Variants in ZDHHC24 observed in about 807,000 individuals in gnomAD.
The protein encoded by ZDHHC24 is zDHHC palmitoyltransferase 24.
A neutral mutation model predicts 23.2 loss-of-function variants in ZDHHC24; 17 were observed. The ratio of observed to expected loss-of-function variants is 0.73; its 90% confidence interval spans 0.50 to 1.10. ZDHHC24 has a LOEUF of 1.10. Ranked by LOEUF, ZDHHC24 falls within the 50% of genes least tolerant of loss-of-function variation. The probability of loss-of-function intolerance (pLI) is 0.00; values close to 1 mark genes in which losing one functional copy is unlikely to be tolerated. For missense variants in ZDHHC24, 366 were observed against 393.0 expected, an observed-to-expected ratio of 0.93 and a Z score of 0.58; for synonymous variants, 186 against 194.5, an observed-to-expected ratio of 0.96 and a Z score of 0.36.
chr11:66,529,491 G>A (rs1332865574), intron 2 of ZDHHC24: 4 of 732,836 alleles, frequency 5.5e-6, no homozygotes, highest in East Asian at 2.7e-5. Flanking sequence ...TGGATTGTCT[G>A]GGGGAAGAAG....
chr11:66,533,435 T>G (rs1238285211), downstream of ZDHHC24: 1 of 152,262 alleles, frequency 6.6e-6, no homozygotes, highest in Non-Finnish European at 1.5e-5. Context: ...CATTACCTGT[T>G]GACTCCCTGT....
At chr11:66,526,593 G>A (rs1856504279) in intron 4 of ZDHHC24, 2 of 1,609,522 alleles carry the variant, frequency 1.2e-6, no homozygotes. Context: ...AAGAAAGAAT[G>A]GGAATGTGGG....
At chr11:66,523,676 C>T (rs1455393709) in intron 4 of ZDHHC24, 1 of 1,609,942 alleles carries the variant, frequency 6.2e-7, no homozygotes, top group African/African-American at 1.3e-5. Flanking sequence ...ACCGTTCTTT[C>T]CACTGTAAGC....
chr11:66,530,911 C>T (rs1394317724), downstream of ZDHHC24: 1 of 1,614,224 alleles, frequency 6.2e-7, no homozygotes, highest in Non-Finnish European at 8.5e-7. Context: ...GCCTTGGCCC[C>T]ACCTTTAAGC....
intron 4 of ZDHHC24, chr11:66,523,250 A>G: frequency 2.8e-6 from 2 of 706,514 alleles, no homozygotes; most frequent in South Asian, 3.0e-5. Flanking sequence ...ACAAGACACC[A>G]TAGTGAAGGT....
At chr11:66,540,427 C>CA (rs1184182591) in intron 2 of ZDHHC24, among the ~76,000 whole-genome samples, 18,454 of 52,122 alleles carry the variant, frequency 0.35, 2,594 homozygotes, top group East Asian at 0.42. Context: ...ACTCCCATCT[C>CA]AAAAAAAAAA....
At chr11:66,529,416 A>C (rs778850754) in exon 3 of ZDHHC24, 2 of 1,032,206 alleles carry the variant, frequency 1.9e-6, no homozygotes, top group Non-Finnish European at 2.9e-6. Flanking sequence ...CTGGAGACAC[A>C]TGCACAATAT....
chr11:66,532,131 TG>T, downstream of ZDHHC24: 20 of 1,334,202 alleles, frequency 1.5e-5, no homozygotes, highest in Non-Finnish European at 2.0e-5. Flanking sequence ...AGCAGTGTGC[TG>T]GGGCGACAGC....
In ZDHHC24 at chr11:66,538,552, G is replaced by T. The variant is rs1857050248; in HGVS notation, c.*977C>A. 6.6e-6 allele frequency: 1 copy of T among 152,098 alleles called. No homozygotes were observed. Among genetic ancestry groups the T allele is most frequent in the African/African-American group, 2.4e-5 (1 of 41,402 alleles). The allele number at this position is 152,098 out of a possible 1,614,324, so 9.4% of individuals were successfully genotyped here. A position where few individuals can be genotyped will look rare whatever the true frequency, so the allele number is the denominator to read the frequency against. On this transcript the variant is annotated 3_prime_UTR_variant, in exon 3 of 3. Coordinates refer to ENST00000310442, the MANE Select transcript of ZDHHC24 (RefSeq NM_207340.3). ...CAGCCCCGGCAACAGAGAGAAAAAA[G>T]AAAATGTGGTCAGGCTCTGTGTTCT...
At chr11:66,525,286 G>A (rs989553903) in intron 4 of ZDHHC24, among the ~76,000 whole-genome samples, 3 of 152,020 alleles carry the variant, frequency 2.0e-5, no homozygotes, top group Non-Finnish European at 2.9e-5. Flanking sequence ...TTGAACCTGG[G>A]AGGCAAAGGT....
intron 2 of ZDHHC24, among the ~76,000 whole-genome samples, chr11:66,541,920 G>A (rs1565297284): frequency 6.6e-6 from 1 of 151,906 alleles, no homozygotes. Flanking sequence ...CAGGGCAAGC[G>A]CTGGAGGAGG....
In ZDHHC24 at chr11:66,539,306, C is replaced by T. The variant is rs527763589; in HGVS notation, c.*223G>A. On this transcript the variant is annotated 3_prime_UTR_variant, in exon 3 of 3. Coordinates refer to ENST00000310442, the MANE Select transcript of ZDHHC24 (RefSeq NM_207340.3). ...TTAACCTGGCAAAGGGGCAGCTAGG[C>T]GGCCTGAGCAGCCCCTGCCAGACCC... The T allele has an allele frequency of 2.6e-5, 33 of 1,254,474 alleles. 1 individual carries two copies. In the East Asian group the frequency reaches 8.9e-4, roughly 34 times the overall value. 77.7% of individuals were successfully genotyped at this position (1,254,474 alleles called of 1,614,324 possible).
intron 4 of ZDHHC24, chr11:66,526,062 C>T: frequency 6.6e-7 from 1 of 1,510,938 alleles, no homozygotes; most frequent in East Asian, 2.3e-5. Context: ...CCCTACCCAT[C>T]CCCTGTCTTG....
intron 4 of ZDHHC24, chr11:66,523,960 C>G: frequency 1.3e-6 from 2 of 1,579,476 alleles, no homozygotes; most frequent in Non-Finnish European, 1.7e-6. Context: ...GCTGCCTCTT[C>G]CGACCACACA....
chr11:66,531,688 C>T (rs770947454), downstream of ZDHHC24: 1 of 1,614,100 alleles, frequency 6.2e-7, no homozygotes, highest in Admixed American at 1.7e-5. Context: ...TCAACTACCC[C>T]CTGGAGACCT....
chr11:66,528,643 C>T (rs11227516), intron 3 of ZDHHC24, among the ~76,000 whole-genome samples: 3,663 of 152,174 alleles, frequency 0.024, 163 homozygotes, highest in East Asian at 0.14. Flanking sequence ...CAAAAACACA[C>T]AATCAGGACA....
rs1857029700 is a variant in ZDHHC24 at position 66,538,032 on chromosome 11, G to A, written c.*1497C>T. 1 of 152,158 alleles carries A rather than the reference G, an allele frequency of 6.6e-6. No individual in the cohort carries two copies. The highest frequency in any genetic ancestry group is 6.5e-5 in the Admixed American group (1 of 15,270). The allele number at this position is 152,158 out of a possible 1,614,324, so 9.4% of individuals were successfully genotyped here. Reference sequence around the variant, plus strand: ...AGCACTTTGGGAGACGGAGGTGGAGGCAGGTGCCAGGAATTCAAGTTCAGC... The same window carrying A: ...AGCACTTTGGGAGACGGAGGTGGAGACAGGTGCCAGGAATTCAAGTTCAGC... On this transcript the variant is annotated 3_prime_UTR_variant, in exon 3 of 3. Coordinates refer to ENST00000310442, the MANE Select transcript of ZDHHC24 (RefSeq NM_207340.3).
exon 5 of ZDHHC24, chr11:66,521,268 A>G (rs1464878797): frequency 7.4e-6 from 12 of 1,613,504 alleles, no homozygotes; most frequent in Non-Finnish European, 1.0e-5. Flanking sequence ...TCTTGTTTGC[A>G]GATGAGCCTT....
At chr11:66,542,959 G>A (rs768492370) in intron 2 of ZDHHC24, 1 of 152,466 alleles carries the variant, frequency 6.6e-6, no homozygotes, top group African/African-American at 2.4e-5. Context: ...GCTGGGCTTG[G>A]ATAGGATGAG....
Sources: gnomAD v4.1 joint callset for allele counts (sites outside exome capture counted in the v4.1 genomes callset) on GRCh38, gnomAD v4.1.1 for gene constraint, MANE v1.5 for transcripts, NCBI Gene and HGNC (gene_info 2026-07-23, HGNC 2026-07-21) for gene names.